GULP1: variants seen among roughly 807,000 people sequenced by gnomAD.
The protein encoded by GULP1 is PTB domain-containing engulfment adapter protein 1.
GULP1 carries 19 observed loss-of-function variants against 40.9 expected under a neutral mutation model. That is an observed-to-expected ratio of 0.46 (90% CI 0.32 to 0.68). The LOEUF (loss-of-function observed/expected upper bound fraction) is 0.68, where lower values mean the gene tolerates loss of function less well. Among genes scored for constraint, GULP1 ranks in the 30% least tolerant of loss-of-function variants. The pLI, the probability that GULP1 is intolerant of heterozygous loss-of-function variation, is 0.03. For missense variants in GULP1, 312 were observed against 362.2 expected, an observed-to-expected ratio of 0.86 and a Z score of 1.12; for synonymous variants, 119 against 117.6, an observed-to-expected ratio of 1.01 and a Z score of -0.08.
intron 1 of GULP1, among the ~76,000 whole-genome samples, chr2:188,308,963 T>C (rs957566230): frequency 6.6e-6 from 1 of 152,224 alleles, no homozygotes; most frequent in African/African-American, 2.4e-5. Context: ...AGTTCGTGTG[T>C]CTCTGTTTAG....
chr2:188,300,119 A>G (rs1198140164), intron 1 of GULP1, among the ~76,000 whole-genome samples: 3 of 152,148 alleles, frequency 2.0e-5, no homozygotes, highest in Non-Finnish European at 4.4e-5. Context: ...CCTGATCAGC[A>G]TGTAATTGGA....
chr2:188,458,852 C>G (rs555682441), intron 2 of GULP1, among the ~76,000 whole-genome samples: 1 of 152,180 alleles, frequency 6.6e-6, no homozygotes, highest in Non-Finnish European at 1.5e-5. Flanking sequence ...CTACACTCTG[C>G]TTCCCATATC....
intron 7 of GULP1, among the ~76,000 whole-genome samples, chr2:188,553,115 A>C (rs191869488): frequency 6.6e-6 from 1 of 151,990 alleles, no homozygotes; most frequent in East Asian, 1.9e-4. Context: ...TCTAGATATA[A>C]GATCATATCA....
chr2:188,423,461 C>T (rs2055736898), intron 2 of GULP1, among the ~76,000 whole-genome samples: 1 of 151,586 alleles, frequency 6.6e-6, no homozygotes, highest in South Asian at 2.1e-4. Context: ...TTATATATGC[C>T]TTCATTATTT....
intron 1 of GULP1, among the ~76,000 whole-genome samples, chr2:188,304,674 A>G (rs2036741214): frequency 6.6e-6 from 1 of 152,082 alleles, no homozygotes; most frequent in Non-Finnish European, 1.5e-5. Flanking sequence ...CAGATGCTCG[A>G]TTCCTTCTTT....
chr2:188,415,507 T>TA (rs112509471), intron 2 of GULP1, among the ~76,000 whole-genome samples: 4,658 of 144,532 alleles, frequency 0.032, 221 homozygotes, highest in African/African-American at 0.1. Flanking sequence ...CTTAGAAAAT[T>TA]AAAAAAAAAA....
In GULP1 at chr2:188,459,432, C is replaced by T. The variant is rs901083262; in HGVS notation, c.-44-18227C>T. On this transcript the variant is annotated intron_variant, in intron 2 of 11. Transcript: ENST00000409830. ...GTACTTTCTGAGGCTACAGAAAATA[C>T]ATCCTTTTCATATGCCTATTTATCA... 1.9e-4 allele frequency among the ~76,000 whole-genome samples: 29 copies of T among 152,002 alleles called. 2 individuals are homozygous for T. The highest frequency in any genetic ancestry group is 5.9e-5 in the Non-Finnish European group (4 of 67,930).
intron 4 of GULP1, among the ~76,000 whole-genome samples, chr2:188,520,780 A>G (rs1458118037): frequency 1.3e-5 from 2 of 152,160 alleles, no homozygotes; most frequent in African/African-American, 4.8e-5. Flanking sequence ...TTCCAGAAAT[A>G]TAATTCGCTT....
chr2:188,524,551 A>G (rs1240374472), intron 5 of GULP1, among the ~76,000 whole-genome samples: 2 of 151,522 alleles, frequency 1.3e-5, no homozygotes, highest in African/African-American at 4.9e-5. Context: ...AATGATTCAT[A>G]CACTAATGAT....
At chr2:188,436,678 C>T (rs1053458896) in intron 2 of GULP1, among the ~76,000 whole-genome samples, 1 of 151,974 alleles carries the variant, frequency 6.6e-6, no homozygotes, top group Non-Finnish European at 1.5e-5. Flanking sequence ...ATATTTTCAG[C>T]TATATTTCAT....
chr2:188,500,520 T>A (rs1434153309), intron 4 of GULP1, among the ~76,000 whole-genome samples: 1 of 151,924 alleles, frequency 6.6e-6, no homozygotes, highest in Non-Finnish European at 1.5e-5. Context: ...AATTGTAGGA[T>A]GTTAATAATC....
intron 4 of GULP1, among the ~76,000 whole-genome samples, chr2:188,484,237 G>T (rs1202585442): frequency 6.6e-6 from 1 of 152,072 alleles, no homozygotes; most frequent in African/African-American, 2.4e-5. Flanking sequence ...ACACAAAAAG[G>T]TGCCTTTTAA....
intron 1 of GULP1, among the ~76,000 whole-genome samples, chr2:188,304,732 C>A (rs567810646): frequency 6.6e-6 from 1 of 152,290 alleles, no homozygotes; most frequent in African/African-American, 2.4e-5. Flanking sequence ...TGCTCTTAGG[C>A]ATAGCTACTT....
chr2:188,567,436 T>A (rs1422419776), intron 7 of GULP1, among the ~76,000 whole-genome samples: 1 of 152,078 alleles, frequency 6.6e-6, no homozygotes, highest in Non-Finnish European at 1.5e-5. Context: ...ATATCCCATA[T>A]CCCATGGAAT....
intron 1 of GULP1, among the ~76,000 whole-genome samples, chr2:188,354,279 G>A (rs542205680): frequency 1.3e-5 from 2 of 152,030 alleles, no homozygotes; most frequent in South Asian, 4.1e-4. Flanking sequence ...AGCCCTGTTG[G>A]GTCTGGTTCC....
chr2:188,300,200 T>A (rs967453178), intron 1 of GULP1, among the ~76,000 whole-genome samples: 3 of 152,294 alleles, frequency 2.0e-5, no homozygotes, highest in South Asian at 4.1e-4. Context: ...ATTAAAAAAA[T>A]TTTTAATCAC....
chr2:188,323,265 A>G (rs937852675), intron 1 of GULP1, among the ~76,000 whole-genome samples: 3 of 151,712 alleles, frequency 2.0e-5, no homozygotes, highest in Non-Finnish European at 2.9e-5. Flanking sequence ...ATTTTATTTC[A>G]TTGTATTTTA....
chr2:188,363,952 C>A (rs765507506), intron 1 of GULP1, among the ~76,000 whole-genome samples: 8 of 152,102 alleles, frequency 5.3e-5, no homozygotes, highest in African/African-American at 1.9e-4. Context: ...ATATTATGTT[C>A]TATTAAACTT....
At chr2:188,535,137 A>C (rs1423971898) in intron 6 of GULP1, among the ~76,000 whole-genome samples, 1 of 151,396 alleles carries the variant, frequency 6.6e-6, no homozygotes, top group Non-Finnish European at 1.5e-5. Flanking sequence ...TAATATTAAA[A>C]ATTAATTTCT....
Sources: gnomAD v4.1 joint callset for allele counts (sites outside exome capture counted in the v4.1 genomes callset) on GRCh38, gnomAD v4.1.1 for gene constraint, MANE v1.5 for transcripts, NCBI Gene and HGNC (gene_info 2026-07-23, HGNC 2026-07-21) for gene names.